SUSD6: variants seen among roughly 807,000 people sequenced by gnomAD.
SUSD6 encodes sushi domain containing 6, also known as sushi domain-containing protein 6.
Under a neutral mutation model 28.4 loss-of-function variants are expected in SUSD6, and 16 were observed. The observed-to-expected ratio is 0.56, with a 90% CI of 0.38 to 0.86. SUSD6 has a LOEUF of 0.86. Among genes scored for constraint, SUSD6 ranks in the 40% least tolerant of loss-of-function variants. The pLI is 0.00. For missense variants in SUSD6, 341 were observed against 384.2 expected, an observed-to-expected ratio of 0.89 and a Z score of 0.94; for synonymous variants, 147 against 159.6, an observed-to-expected ratio of 0.92 and a Z score of 0.59.
intron 2 of SUSD6, among the ~76,000 whole-genome samples, chr14:69,677,023 C>T (rs1322605635): frequency 6.6e-6 from 1 of 152,106 alleles, no homozygotes; most frequent in African/African-American, 2.4e-5. Context: ...GAACCAGGGA[C>T]CTGGGTTTTG....
chr14:69,666,794 C>T (rs924066552), intron 2 of SUSD6, among the ~76,000 whole-genome samples: 3 of 151,440 alleles, frequency 2.0e-5, no homozygotes, highest in Non-Finnish European at 1.5e-5. Context: ...AACAGATTGT[C>T]TTCAAGATTT....
intron 1 of SUSD6, among the ~76,000 whole-genome samples, chr14:69,653,956 A>C (rs1438928660): frequency 6.6e-6 from 1 of 152,166 alleles, no homozygotes; most frequent in African/African-American, 2.4e-5. Flanking sequence ...TTTCTGAAGC[A>C]GTAACCCTTG....
intron 1 of SUSD6, among the ~76,000 whole-genome samples, chr14:69,637,816 G>A (rs1240281468): frequency 1.3e-5 from 2 of 152,260 alleles, no homozygotes; most frequent in South Asian, 2.1e-4. Context: ...GGGGTGAGAG[G>A]GGTGAGTGAC....
chr14:69,677,078 T>G (rs555856267), intron 2 of SUSD6, among the ~76,000 whole-genome samples: 28 of 152,320 alleles, frequency 1.8e-4, no homozygotes, highest in African/African-American at 6.7e-4. Flanking sequence ...TAAGAGTGTT[T>G]AGGATGAAAC....
intron 2 of SUSD6, among the ~76,000 whole-genome samples, chr14:69,682,434 C>T (rs1326372842): frequency 6.6e-6 from 1 of 152,184 alleles, no homozygotes; most frequent in Non-Finnish European, 1.5e-5. Context: ...TTCTGCCCTA[C>T]TTTGCCCATG....
At chr14:69,663,695 A>G (rs778650377) in intron 2 of SUSD6, among the ~76,000 whole-genome samples, 1 of 152,244 alleles carries the variant, frequency 6.6e-6, no homozygotes, top group Non-Finnish European at 1.5e-5. Context: ...AGACAGGTTC[A>G]ATAACTTGTT....
chr14:69,697,366 A>G lies in SUSD6; in HGVS notation c.122-6029A>G, dbSNP rs192850109. On this transcript the variant is annotated intron_variant, in intron 2 of 5. Transcript: ENST00000342745. ...GAATGCCATGCCTAACCTCCTGGGAATGCAGCCCAGTAGATCTCAGCCTCA... is the reference window on the plus strand; with the variant it reads ...GAATGCCATGCCTAACCTCCTGGGAGTGCAGCCCAGTAGATCTCAGCCTCA... Among the ~76,000 whole-genome samples, 173 of 152,278 alleles carry G rather than the reference A, an allele frequency of 1.1e-3. 1 individual carries two copies. Among genetic ancestry groups the G allele is most frequent in the Admixed American group, 0.01 (153 of 15,296 alleles).
In SUSD6 at chr14:69,704,709, T is replaced by C; in HGVS notation, c.425T>C (p.Leu142Pro). 1 of 1,614,204 alleles carries C rather than the reference T, an allele frequency of 6.2e-7. No homozygotes were observed. Among genetic ancestry groups the C allele is most frequent in the Non-Finnish European group, 8.5e-7 (1 of 1,180,020 alleles). ...CTCCTCGTGGTGCTGTTTGTGCTGC[T>C]GCAGCCAAAGCTGAAGTCTTTCCAT... is the stretch of plus-strand genomic sequence containing the variant. ...ILLLVVLFVL[L>P]QPKLKSFHHS... The change falls in exon 4 of 6, where the codon CTG becomes CCG. Residue 142 changes from leucine to proline, a missense_variant. Coordinates refer to ENST00000342745, the MANE Select transcript of SUSD6 (RefSeq NM_014734.4).
In SUSD6 at chr14:69,658,494, C is replaced by T. The variant is rs1459261811; in HGVS notation, c.-80-19C>T. On this transcript the variant is annotated intron_variant, in intron 1 of 5. Transcript: ENST00000342745. ...TATGGCTGAAGTTTTCACTTTATGT[C>T]CTTGTTTGTTTGTTACAGGTGAATC... 1 of 1,288,988 alleles carries T rather than the reference C, an allele frequency of 7.8e-7. No homozygotes were observed. The highest frequency in any genetic ancestry group is 1.1e-6 in the Non-Finnish European group (1 of 923,866). 79.8% of individuals were successfully genotyped at this position (1,288,988 alleles called of 1,614,324 possible). A position where few individuals can be genotyped will look rare whatever the true frequency, so the allele number is the denominator to read the frequency against.
At chr14:69,637,283 G>C (rs1885278720) in intron 1 of SUSD6, among the ~76,000 whole-genome samples, 1 of 152,072 alleles carries the variant, frequency 6.6e-6, no homozygotes, top group South Asian at 2.1e-4. Context: ...ATTACACCCT[G>C]TGCTCAGTAC....
chr14:69,698,651 C>G (rs1435377712), intron 2 of SUSD6, among the ~76,000 whole-genome samples: 1 of 152,156 alleles, frequency 6.6e-6, no homozygotes, highest in Non-Finnish European at 1.5e-5. Context: ...TGGTGAGGGT[C>G]CTCAGCAGTT....
chr14:69,670,834 A>T (rs1885821011), intron 2 of SUSD6, among the ~76,000 whole-genome samples: 1 of 152,232 alleles, frequency 6.6e-6, no homozygotes, highest in Non-Finnish European at 1.5e-5. Context: ...TGCTCTGCTC[A>T]TCTCAGCACT....
chr14:69,655,163 C>T (rs966352270), intron 1 of SUSD6, among the ~76,000 whole-genome samples: 3 of 152,162 alleles, frequency 2.0e-5, no homozygotes, highest in South Asian at 4.1e-4. Flanking sequence ...GTGTGTCTGT[C>T]TTTCAAAAAT....
intron 1 of SUSD6, among the ~76,000 whole-genome samples, chr14:69,635,545 G>A (rs1885251407): frequency 6.6e-6 from 1 of 151,488 alleles, no homozygotes; most frequent in African/African-American, 2.4e-5. Context: ...TGTTTTTTGG[G>A]TGGAAGAGAA....
intron 3 of SUSD6, among the ~76,000 whole-genome samples, chr14:69,704,271 G>A (rs559885132): frequency 2.0e-5 from 3 of 152,272 alleles, no homozygotes; most frequent in Non-Finnish European, 2.9e-5. Flanking sequence ...TTAAATTGTC[G>A]ATGTTTACAA....
chr14:69,701,139 T>G (rs1159935724), intron 2 of SUSD6, among the ~76,000 whole-genome samples: 3 of 152,096 alleles, frequency 2.0e-5, no homozygotes, highest in Non-Finnish European at 4.4e-5. Context: ...GACCCCCTAC[T>G]CAGAATCAGT....
intron 1 of SUSD6, among the ~76,000 whole-genome samples, chr14:69,614,738 C>T (rs1001861269): frequency 6.6e-6 from 1 of 152,156 alleles, no homozygotes; most frequent in African/African-American, 2.4e-5. Flanking sequence ...TACTCTTCCT[C>T]ATTTCAGTAC....
intron 2 of SUSD6, among the ~76,000 whole-genome samples, chr14:69,696,471 AT>A (rs1169582870): frequency 6.6e-6 from 1 of 152,230 alleles, no homozygotes; most frequent in East Asian, 1.9e-4. Flanking sequence ...TCTACAAACC[AT>A]TGAAGGCTAG....
intron 1 of SUSD6, among the ~76,000 whole-genome samples, chr14:69,624,523 G>C (rs1284916194): frequency 4.0e-5 from 6 of 151,640 alleles, no homozygotes; most frequent in Admixed American, 6.6e-5. Context: ...CCTGATCTCG[G>C]CTCACCGCAA....
Sources: gnomAD v4.1 joint callset for allele counts (sites outside exome capture counted in the v4.1 genomes callset) on GRCh38, gnomAD v4.1.1 for gene constraint, MANE v1.5 for transcripts, NCBI Gene and HGNC (gene_info 2026-07-23, HGNC 2026-07-21) for gene names.